Variants in CNTNAP5 observed in about 807,000 individuals in gnomAD.
CNTNAP5 encodes the protein contactin-associated protein-like 5.
CNTNAP5 carries 72 observed loss-of-function variants against 150.2 expected under a neutral mutation model. The ratio of observed to expected loss-of-function variants is 0.48; its 90% CI spans 0.40 to 0.58. The LOEUF is 0.58. Ranked by LOEUF, CNTNAP5 falls within the 20% of genes least tolerant of loss-of-function variation. The probability of loss-of-function intolerance (pLI) is 0.00; values close to 1 mark genes in which losing one functional copy is unlikely to be tolerated. For synonymous variants in CNTNAP5, 672 were observed against 619.8 expected, an observed-to-expected ratio of 1.08 and a Z score of -1.25; for missense variants, 1,636 against 1,626.2, an observed-to-expected ratio of 1.01 and a Z score of -0.10.
intron 12 of CNTNAP5, among the ~76,000 whole-genome samples, chr2:124,640,269 T>A (rs58187826): frequency 0.012 from 1,828 of 152,012 alleles, 30 homozygotes; most frequent in African/African-American, 0.041. Context: ...AAGAGAAAAA[T>A]TACCCCCCTG....
intron 3 of CNTNAP5, among the ~76,000 whole-genome samples, chr2:124,380,699 T>G (rs1433155389): frequency 6.6e-6 from 1 of 152,082 alleles, no homozygotes; most frequent in Non-Finnish European, 1.5e-5. Context: ...CTACCTCCAC[T>G]CTCTTTTGAA....
chr2:124,484,199 G>A (rs192926890), intron 7 of CNTNAP5, among the ~76,000 whole-genome samples: 2 of 152,342 alleles, frequency 1.3e-5, no homozygotes, highest in East Asian at 3.9e-4. Flanking sequence ...CAGGAACTTG[G>A]CTTGGATATG....
intron 22 of CNTNAP5, among the ~76,000 whole-genome samples, chr2:124,911,027 C>G (rs1487260386): frequency 6.6e-6 from 1 of 151,780 alleles, no homozygotes; most frequent in African/African-American, 2.4e-5. Flanking sequence ...ATCAGTGAGG[C>G]CTGCTCCTGA....
chr2:124,347,337 A>C (rs1479194799), intron 3 of CNTNAP5, among the ~76,000 whole-genome samples: 2 of 152,144 alleles, frequency 1.3e-5, no homozygotes, highest in Non-Finnish European at 2.9e-5. Context: ...TCTTCACTGC[A>C]GAGCGTGACA....
chr2:124,798,521 G>A (rs1295621377), intron 19 of CNTNAP5, among the ~76,000 whole-genome samples: 1 of 152,210 alleles, frequency 6.6e-6, no homozygotes, highest in East Asian at 1.9e-4. Context: ...ATTCACTGCT[G>A]AAGTCTCAAA....
chr2:124,133,481 T>C lies in CNTNAP5; in HGVS notation c.83-88224T>C, dbSNP rs532635720. Among the ~76,000 whole-genome samples, 42 of 152,236 alleles carry C rather than the reference T, an allele frequency of 2.8e-4. 1 individual carries two copies. Among genetic ancestry groups the C allele is most frequent in the Admixed American group, 2.6e-3 (40 of 15,292 alleles). ...CTCTTTAAAGGGCCTGGTCACACAG[T>C]TGGGGCAAGGGCATGTGTCATTCTT... is the stretch of plus-strand genomic sequence containing the variant. On this transcript the variant is annotated intron_variant, in intron 1 of 23. Transcript: ENST00000682447.
At chr2:124,251,297 C>CG (rs1476401459) in intron 3 of CNTNAP5, among the ~76,000 whole-genome samples, 5 of 151,708 alleles carry the variant, frequency 3.3e-5, no homozygotes, top group Non-Finnish European at 5.9e-5. Context: ...CCCCCACCCC[C>CG]CCAAGTATTG....
chr2:124,875,009 T>C (rs1053186562), intron 21 of CNTNAP5, among the ~76,000 whole-genome samples: 5 of 152,070 alleles, frequency 3.3e-5, no homozygotes, highest in African/African-American at 9.7e-5. Context: ...GCATAAAATT[T>C]ACAGCTAATC....
intron 17 of CNTNAP5, among the ~76,000 whole-genome samples, chr2:124,786,558 AAAG>A (rs1461677621): frequency 6.6e-6 from 1 of 151,804 alleles, no homozygotes; most frequent in African/African-American, 2.4e-5. Context: ...GGAAAGAAAG[AAAG>A]AAGACAGAGA....
At chr2:124,742,698 G>A (rs1303815812) in intron 13 of CNTNAP5, among the ~76,000 whole-genome samples, 5 of 151,544 alleles carry the variant, frequency 3.3e-5, no homozygotes, top group Non-Finnish European at 5.9e-5. Flanking sequence ...TTGTTTATAT[G>A]CATGAGGTCA....
Position 124,763,769 on chromosome 2 carries a change from A to C in CNTNAP5, c.2332A>C (p.Arg778=). The change falls in exon 15 of 24, where the codon AGA becomes CGA. Residue 778 remains arginine (R), a synonymous_variant. Coordinates refer to ENST00000682447, the MANE Select transcript of CNTNAP5 (RefSeq NM_001367498.1). ...CAGATCAAACTCAGAAGCCGCTTGGAGAATTGGTCCCTTGCGTTGCTATGG... is the reference window on the plus strand; with the variant it reads ...CAGATCAAACTCAGAAGCCGCTTGGCGAATTGGTCCCTTGCGTTGCTATGG... ...TDRSNSEAAW[R]IGPLRCYGDR... 6.2e-7 allele frequency: 1 copy of C among 1,613,142 alleles called. No homozygotes were observed. Among genetic ancestry groups the C allele is most frequent in the Non-Finnish European group, 8.5e-7 (1 of 1,179,482 alleles).
At chr2:124,732,771 T>C (rs748872575) in intron 13 of CNTNAP5, among the ~76,000 whole-genome samples, 1 of 152,190 alleles carries the variant, frequency 6.6e-6, no homozygotes, top group Non-Finnish European at 1.5e-5. Flanking sequence ...CTTTAATTTA[T>C]AGTAAATGTG....
intron 13 of CNTNAP5, among the ~76,000 whole-genome samples, chr2:124,677,623 T>C (rs991628152): frequency 2.0e-5 from 3 of 149,944 alleles, no homozygotes; most frequent in African/African-American, 7.3e-5. Flanking sequence ...GCATTTACAA[T>C]CCTTCAGCTA....
intron 4 of CNTNAP5, among the ~76,000 whole-genome samples, chr2:124,426,953 T>C (rs1692252939): frequency 6.6e-6 from 1 of 152,180 alleles, no homozygotes; most frequent in South Asian, 2.1e-4. Context: ...TTCTAAGGAC[T>C]CTGGAGCATG....
At chr2:124,693,566 G>A (rs1332848171) in intron 13 of CNTNAP5, among the ~76,000 whole-genome samples, 1 of 152,062 alleles carries the variant, frequency 6.6e-6, no homozygotes, top group East Asian at 1.9e-4. Context: ...TATCCATTAA[G>A]TGCTTACCAT....
intron 14 of CNTNAP5, among the ~76,000 whole-genome samples, chr2:124,762,061 C>T (rs1382704351): frequency 3.3e-5 from 5 of 151,998 alleles, no homozygotes; most frequent in African/African-American, 1.2e-4. Context: ...CATTCCACTT[C>T]GGCTGTTTGG....
intron 19 of CNTNAP5, among the ~76,000 whole-genome samples, chr2:124,843,475 A>T (rs939651442): frequency 6.6e-6 from 1 of 152,144 alleles, no homozygotes; most frequent in Admixed American, 6.6e-5. Context: ...TGCTATAAAC[A>T]TGCATGTGCA....
At chr2:124,533,606 C>T (rs1464973250) in intron 10 of CNTNAP5, among the ~76,000 whole-genome samples, 1 of 152,142 alleles carries the variant, frequency 6.6e-6, no homozygotes, top group East Asian at 1.9e-4. Flanking sequence ...AAAGTTTTTG[C>T]AGCTCCCTCA....
chr2:124,474,658 C>G, intron 6 of CNTNAP5, 81 bp from the exon 7 acceptor site: 1 of 1,262,560 alleles, frequency 7.9e-7, no homozygotes. Flanking sequence ...TTGAATCTAC[C>G]AAAAACGCAC....
Sources: gnomAD v4.1 joint callset for allele counts (sites outside exome capture counted in the v4.1 genomes callset) on GRCh38, gnomAD v4.1.1 for gene constraint, MANE v1.5 for transcripts, NCBI Gene and HGNC (gene_info 2026-07-23, HGNC 2026-07-21) for gene names.